KIAA1217: variants seen among roughly 807,000 people sequenced by gnomAD.
The protein encoded by KIAA1217 is KIAA1217.
Under a neutral mutation model 163.9 loss-of-function variants are expected in KIAA1217, and 88 were observed. The ratio of observed to expected loss-of-function variants is 0.54; its 90% confidence interval spans 0.45 to 0.64. The LOEUF (loss-of-function observed/expected upper bound fraction) is 0.64. Ranked by LOEUF, KIAA1217 falls within the 30% of genes least tolerant of loss-of-function variation. KIAA1217 has a pLI of 0.00. For synonymous variants in KIAA1217, 903 were observed against 923.1 expected (o/e 0.98, Z 0.39); for missense variants, 2,372 against 2,475.0 (o/e 0.96, Z 0.88).
intron 7 of KIAA1217, 72 bp from the exon 8 acceptor site, chr10:24,495,075 G>A: frequency 2.4e-6 from 3 of 1,254,270 alleles, no homozygotes; most frequent in Admixed American, 2.0e-5. Flanking sequence ...ATAGTGGATG[G>A]AATGGGCTTT....
chr10:24,117,050 G>T lies in KIAA1217; in HGVS notation c.-170-102576G>T, dbSNP rs577044936. Reference sequence around the variant, plus strand: ...TCCAAATAGTGTTTTTTTTTTGGGTGGGGGGGGATGGAGTTTTGCTCTTGT... The same window carrying T: ...TCCAAATAGTGTTTTTTTTTTGGGTTGGGGGGGATGGAGTTTTGCTCTTGT... On this transcript the variant is annotated intron_variant, in intron 2 of 18. Transcript: ENST00000376462. Among the ~76,000 whole-genome samples, 226 of 133,158 alleles carry T rather than the reference G, an allele frequency of 1.7e-3. 1 individual carries two copies. Among genetic ancestry groups the T allele is most frequent in the African/African-American group, 6.5e-3 (208 of 32,182 alleles). 87.4% of individuals were successfully genotyped at this position (133,158 alleles called of 152,430 possible).
intron 2 of KIAA1217, among the ~76,000 whole-genome samples, chr10:24,075,925 T>A (rs2061355237): frequency 6.7e-6 from 1 of 149,550 alleles, no homozygotes; most frequent in Non-Finnish European, 1.5e-5. Context: ...TTATTGTGCT[T>A]ATCAATGAAC....
At position 23,797,746 on chromosome 10, in the gene KIAA1217, C is replaced by T. The variant is rs150373218; in HGVS notation, c.-321+102512C>T. Among the ~76,000 whole-genome samples, 105 of 152,282 alleles carry T rather than the reference C, an allele frequency of 6.9e-4. 1 individual carries two copies. The East Asian group carries it at 0.019, about 27-fold the overall frequency. ...CAAGGGGGAAATCTGCCCCTATGAT[C>T]CCATCACCTCCCACCAGGTCCCTCC... On this transcript the variant is annotated intron_variant, in intron 1 of 18. Transcript: ENST00000376462.
chr10:24,236,943 C>T (rs938967475), intron 2 of KIAA1217, among the ~76,000 whole-genome samples: 2 of 152,204 alleles, frequency 1.3e-5, no homozygotes, highest in African/African-American at 4.8e-5. Context: ...TGAGCCACTG[C>T]TCCTGGCCCG....
intron 2 of KIAA1217, among the ~76,000 whole-genome samples, chr10:24,380,522 G>A (rs1032357874): frequency 6.6e-6 from 1 of 151,948 alleles, no homozygotes; most frequent in Non-Finnish European, 1.5e-5. Flanking sequence ...CACACCTGTA[G>A]TCCCAGTTAT....
chr10:24,501,478 G>A lies in KIAA1217; in HGVS notation c.1934G>A (p.Ser645Asn). Residue 645 changes from serine (S) to asparagine (N), a missense_variant, in exon 9 of 21, where the codon AGC becomes AAC. By Grantham distance (46) the Ser-to-Asn change is conservative (BLOSUM62 1). Coordinates refer to ENST00000376454, the MANE Select transcript of KIAA1217 (RefSeq NM_019590.5). ...GTGGGCACCTCAGCCATCCACATGA[G>A]CCTGCTTGAGATGAGGCGGAGCGTG... is the stretch of plus-strand genomic sequence containing the variant. ...PPVGTSAIHM[S>N]LLEMRRSVAE... 1 of 1,613,994 alleles carries A rather than the reference G, an allele frequency of 6.2e-7. No individual in the cohort carries two copies.
chr10:24,507,262 A>G (rs2134120197), intron 9 of KIAA1217, among the ~76,000 whole-genome samples: 1 of 152,350 alleles, frequency 6.6e-6, no homozygotes, highest in Admixed American at 6.5e-5. Context: ...TCAGAGCTCC[A>G]TGCCCAATAT....
chr10:24,249,780 G>GT (rs1296424408), intron 2 of KIAA1217, among the ~76,000 whole-genome samples: 1 of 152,184 alleles, frequency 6.6e-6, no homozygotes, highest in African/African-American at 2.4e-5. Flanking sequence ...CCAAGGCTGA[G>GT]ACTAGCCTAG....
chr10:24,483,351 C>T (rs529794950), intron 6 of KIAA1217, among the ~76,000 whole-genome samples: 168 of 152,310 alleles, frequency 1.1e-3, no homozygotes, highest in Admixed American at 2.0e-3. Flanking sequence ...GGTCTCCCCA[C>T]TCAGTCCCTG....
intron 3 of KIAA1217, among the ~76,000 whole-genome samples, chr10:24,422,156 G>A (rs2131563108): frequency 6.6e-6 from 1 of 152,146 alleles, no homozygotes; most frequent in South Asian, 2.1e-4. Flanking sequence ...ACTATCACAA[G>A]AACAGCATGG....
intron 8 of KIAA1217, among the ~76,000 whole-genome samples, chr10:24,497,644 C>T (rs372036394): frequency 2.0e-5 from 3 of 151,144 alleles, no homozygotes; most frequent in Admixed American, 6.6e-5. Context: ...TGCTTGAGCC[C>T]GAGAGGTCAA....
intron 1 of KIAA1217, among the ~76,000 whole-genome samples, chr10:23,743,095 C>T (rs992423827): frequency 2.0e-5 from 3 of 152,132 alleles, no homozygotes; most frequent in Admixed American, 6.5e-5. Flanking sequence ...GGGAGAAAAA[C>T]ACAGATTGCT....
intron 1 of KIAA1217, among the ~76,000 whole-genome samples, chr10:23,836,430 C>A (rs78855076): frequency 6.6e-5 from 10 of 151,708 alleles, no homozygotes; most frequent in Non-Finnish European, 1.2e-4. Context: ...GGGAGCAGAC[C>A]GCCATGCAGG....
chr10:23,970,973 A>C (rs1845290635), intron 1 of KIAA1217, among the ~76,000 whole-genome samples: 1 of 152,238 alleles, frequency 6.6e-6, no homozygotes, highest in Admixed American at 6.5e-5. Flanking sequence ...AAAAAGCTTT[A>C]AAGCAGGAAC....
intron 2 of KIAA1217, among the ~76,000 whole-genome samples, chr10:24,251,400 C>CAAAAAAAA (rs55668887): frequency 4.4e-5 from 4 of 90,528 alleles, no homozygotes; most frequent in African/African-American, 8.4e-5. Context: ...GACACTGTCT[C>CAAAAAAAA]AAAAAAAAAA....
chr10:24,294,314 CT>C (rs1462382475), intron 2 of KIAA1217, among the ~76,000 whole-genome samples: 7 of 150,836 alleles, frequency 4.6e-5, no homozygotes, highest in African/African-American at 1.5e-4. Context: ...ACATTTCACT[CT>C]TTTCCCCTAC....
chr10:24,541,491 C>T (rs2075078389), intron 17 of KIAA1217, among the ~76,000 whole-genome samples: 2 of 152,148 alleles, frequency 1.3e-5, no homozygotes, highest in South Asian at 4.1e-4. Flanking sequence ...ATAGGGGTTG[C>T]TCTGGGTTGA....
chr10:24,477,438 A>G (rs2064168389), intron 6 of KIAA1217, among the ~76,000 whole-genome samples: 1 of 152,232 alleles, frequency 6.6e-6, no homozygotes, highest in Non-Finnish European at 1.5e-5. Context: ...AAAGAATTCT[A>G]CATATTCCAT....
At chr10:23,824,662 T>TATAC in intron 1 of KIAA1217, among the ~76,000 whole-genome samples, 1 of 120,890 alleles carries the variant, frequency 8.3e-6, no homozygotes, top group African/African-American at 3.1e-5. Flanking sequence ...AAAAAAAATA[T>TATAC]ATATATATAT....
Sources: gnomAD v4.1 joint callset for allele counts (sites outside exome capture counted in the v4.1 genomes callset) on GRCh38, gnomAD v4.1.1 for gene constraint, MANE v1.5 for transcripts, NCBI Gene and HGNC (gene_info 2026-07-23, HGNC 2026-07-21) for gene names.